The following CALD1 variants were observed in gnomAD, a reference collection of about 807,000 sequenced individuals.
CALD1 encodes caldesmon.
Under a neutral mutation model 99.9 loss-of-function variants are expected in CALD1, and 33 were observed. The ratio of observed to expected loss-of-function variants is 0.33; its 90% CI spans 0.25 to 0.44. The LOEUF (loss-of-function observed/expected upper bound fraction) is 0.44. Ranked by LOEUF, CALD1 falls within the 20% of genes least tolerant of loss-of-function variation. The pLI, the probability that CALD1 is intolerant of heterozygous loss-of-function variation, is 1.00. For synonymous variants in CALD1, 310 were observed against 325.0 expected (o/e 0.95, Z 0.50); for missense variants, 861 against 962.1 (o/e 0.89, Z 1.39).
intron 3 of CALD1, among the ~76,000 whole-genome samples, chr7:134,880,704 A>G (rs1801559235): frequency 6.6e-6 from 1 of 152,072 alleles, no homozygotes; most frequent in African/African-American, 2.4e-5. Context: ...GAAAGGACCT[A>G]TTATTAAGGG....
At chr7:134,753,791 G>C (rs557514663) in intron 1 of CALD1, among the ~76,000 whole-genome samples, 14 of 152,252 alleles carry the variant, frequency 9.2e-5, no homozygotes, top group Non-Finnish European at 1.8e-4. Flanking sequence ...TGTAGCTATT[G>C]TCTATAATTT....
At chr7:134,859,564 G>A (rs2132271628) in intron 2 of CALD1, among the ~76,000 whole-genome samples, 1 of 152,332 alleles carries the variant, frequency 6.6e-6, no homozygotes, top group East Asian at 1.9e-4. Context: ...AAACTTTCAA[G>A]TTGGTTTAGA....
intron 1 of CALD1, among the ~76,000 whole-genome samples, chr7:134,753,132 TCTGCTGGGC>T (rs1384675094): frequency 6.6e-6 from 1 of 151,544 alleles, no homozygotes; most frequent in Non-Finnish European, 1.5e-5. Context: ...TGCTGCAAAA[TCTGCTGGGC>T]CTTGGGGTGG....
At chr7:134,718,227 G>A in the CALD1 span, among the ~76,000 whole-genome samples, 1 of 152,188 alleles carries the variant, frequency 6.6e-6, no homozygotes, top group African/African-American at 2.4e-5. Context: ...CCAAAGGATT[G>A]TGTGAATTTA....
chr7:134,937,334 G>T (rs916898730), intron 6 of CALD1, among the ~76,000 whole-genome samples: 1 of 152,044 alleles, frequency 6.6e-6, no homozygotes, highest in African/African-American at 2.4e-5. Flanking sequence ...ATACTCCCAG[G>T]AATGAGTGAG....
At position 134,945,873 on chromosome 7, in the gene CALD1, G is replaced by A. The variant is rs1806821884; in HGVS notation, c.1533-1635G>A. Among the ~76,000 whole-genome samples the A allele has an allele frequency of 4.6e-5, 7 of 152,332 alleles. 1 individual carries two copies. The South Asian group carries it at 1.4e-3, about 32-fold the overall frequency. On this transcript the variant is annotated intron_variant, in intron 7 of 14. Coordinates refer to ENST00000361675, the MANE Select transcript of CALD1 (RefSeq NM_033138.4). ...ATCACTGTGTTTAGCTCTTAATCAA[G>A]AGGCAATGGGTAATTTCGTCTGCCA...
chr7:134,808,494 G>T (rs1373690450), intron 1 of CALD1, among the ~76,000 whole-genome samples: 1 of 152,170 alleles, frequency 6.6e-6, no homozygotes, highest in Non-Finnish European at 1.5e-5. Context: ...ATATTCTAAT[G>T]GCAGAGCCAG....
At chr7:134,754,629 G>A (rs1177080037) in intron 1 of CALD1, among the ~76,000 whole-genome samples, 2 of 152,224 alleles carry the variant, frequency 1.3e-5, no homozygotes, top group Admixed American at 1.3e-4. Flanking sequence ...CTTCATGTGT[G>A]TTTTATATAA....
At chr7:134,874,577 A>C (rs1801259392) in intron 3 of CALD1, among the ~76,000 whole-genome samples, 1 of 152,318 alleles carries the variant, frequency 6.6e-6, no homozygotes, top group South Asian at 2.1e-4. Context: ...TGGCTCTCTC[A>C]CTTTCCAAGA....
intron 4 of CALD1, among the ~76,000 whole-genome samples, chr7:134,929,933 G>C (rs1475858896): frequency 2.6e-5 from 4 of 151,760 alleles, no homozygotes; most frequent in Non-Finnish European, 5.9e-5. Flanking sequence ...ATTCTGTAGG[G>C]TGTTGCTATC....
At chr7:134,819,092 C>T (rs192818471) in intron 1 of CALD1, among the ~76,000 whole-genome samples, 2 of 152,196 alleles carry the variant, frequency 1.3e-5, no homozygotes, top group East Asian at 3.9e-4. Flanking sequence ...GCAAGAGCAA[C>T]TGAGAACAGG....
At chr7:134,842,551 G>A (rs1169804090) in intron 1 of CALD1, among the ~76,000 whole-genome samples, 4 of 152,232 alleles carry the variant, frequency 2.6e-5, no homozygotes, top group African/African-American at 9.6e-5. Context: ...TTAAATTAAT[G>A]AAAATCTGGG....
chr7:134,940,449 C>T (rs1216854920), intron 6 of CALD1, among the ~76,000 whole-genome samples: 1 of 152,154 alleles, frequency 6.6e-6, no homozygotes, highest in African/African-American at 2.4e-5. Context: ...TGGAATTTTT[C>T]CTATTCCATT....
At chr7:134,928,152 C>A in intron 3 of CALD1, 1 of 259,702 alleles carries the variant, frequency 3.9e-6, no homozygotes. Flanking sequence ...TCTTACAAGG[C>A]CAGGCCCGGT....
At chr7:134,811,477 G>T (rs1798352633) in intron 1 of CALD1, among the ~76,000 whole-genome samples, 1 of 152,118 alleles carries the variant, frequency 6.6e-6, no homozygotes, top group Non-Finnish European at 1.5e-5. Context: ...GACCTTCAAA[G>T]AACCCTCCCT....
chr7:134,872,673 G>C (rs1269899759), intron 3 of CALD1, among the ~76,000 whole-genome samples: 2 of 152,114 alleles, frequency 1.3e-5, no homozygotes, highest in African/African-American at 4.8e-5. Context: ...GAGCAATCGT[G>C]ACCAAAAGAG....
chr7:134,725,479 T>C, the CALD1 span, among the ~76,000 whole-genome samples: 1 of 152,274 alleles, frequency 6.6e-6, no homozygotes, highest in Non-Finnish European at 1.5e-5. Flanking sequence ...TTCCTCAATT[T>C]CCTGAGCATG....
intron 7 of CALD1, 136 bp downstream of exon 7, chr7:134,941,373 C>G: frequency 1.5e-6 from 1 of 674,826 alleles, no homozygotes. Context: ...AGGTCATTAG[C>G]CATTGTCTTA....
At chr7:134,766,145 T>C (rs938783850) in intron 1 of CALD1, among the ~76,000 whole-genome samples, 15 of 108,846 alleles carry the variant, frequency 1.4e-4, no homozygotes, top group African/African-American at 5.6e-4. Flanking sequence ...TCTTTTCTTT[T>C]TTTTTTTTTT....
Sources: gnomAD v4.1 joint callset for allele counts (sites outside exome capture counted in the v4.1 genomes callset) on GRCh38, gnomAD v4.1.1 for gene constraint, MANE v1.5 for transcripts, NCBI Gene and HGNC (gene_info 2026-07-23, HGNC 2026-07-21) for gene names.